Variants in PRKCB observed in about 807,000 individuals in gnomAD.
PRKCB encodes the protein protein kinase C beta type.
A neutral mutation model predicts 81.5 loss-of-function variants in PRKCB; 13 were observed. The ratio of observed to expected loss-of-function variants is 0.16; its 90% confidence interval spans 0.10 to 0.25. The LOEUF is 0.25. PRKCB is among the 10% of genes least tolerant of loss of function. The probability of loss-of-function intolerance (pLI) is 1.00; values close to 1 mark genes in which losing one functional copy is unlikely to be tolerated. For missense variants in PRKCB, 509 were observed against 875.7 expected, an observed-to-expected ratio of 0.58 and a Z score of 5.29; for synonymous variants, 335 against 321.4, an observed-to-expected ratio of 1.04 and a Z score of -0.45.
chr16:24,036,371 G>A (rs978690788), intron 5 of PRKCB, among the ~76,000 whole-genome samples: 3 of 152,174 alleles, frequency 2.0e-5, no homozygotes, highest in African/African-American at 7.2e-5. Flanking sequence ...GCACTGAGCT[G>A]GCTGGGAGTG....
chr16:24,051,227 C>T (rs189754783), intron 5 of PRKCB, among the ~76,000 whole-genome samples: 174 of 152,316 alleles, frequency 1.1e-3, no homozygotes, highest in African/African-American at 4.1e-3. Flanking sequence ...GGAAAGAAAA[C>T]GTGGCAGGAG....
chr16:23,929,596 A>T (rs76583164), intron 2 of PRKCB, among the ~76,000 whole-genome samples: 6,156 of 152,182 alleles, frequency 0.04, 433 homozygotes, highest in African/African-American at 0.14. Context: ...CTACGTAATC[A>T]TACCTGTAAC....
intron 2 of PRKCB, among the ~76,000 whole-genome samples, chr16:23,870,635 G>A (rs1962887426): frequency 6.6e-6 from 1 of 152,188 alleles, no homozygotes; most frequent in Admixed American, 6.5e-5. Context: ...AGCTGCTTCA[G>A]GGCATCAGCC....
At chr16:24,140,825 C>G (rs34635401) in intron 9 of PRKCB, among the ~76,000 whole-genome samples, 60 of 152,316 alleles carry the variant, frequency 3.9e-4, no homozygotes, top group Non-Finnish European at 7.9e-4. Context: ...AGGCTCCTTT[C>G]ATCCTCCTAA....
intron 2 of PRKCB, among the ~76,000 whole-genome samples, chr16:23,868,035 C>T (rs753098721): frequency 2.6e-5 from 4 of 151,922 alleles, no homozygotes; most frequent in Non-Finnish European, 4.4e-5. Context: ...AGATCTTCCC[C>T]TACGGATTTG....
chr16:23,891,861 A>T (rs1162624273), intron 2 of PRKCB, among the ~76,000 whole-genome samples: 1 of 152,226 alleles, frequency 6.6e-6, no homozygotes, highest in Non-Finnish European at 1.5e-5. Flanking sequence ...AAAAGACAGC[A>T]CAGAAATTTT....
chr16:24,006,505 T>C (rs879345800), intron 3 of PRKCB, among the ~76,000 whole-genome samples: 3 of 152,186 alleles, frequency 2.0e-5, no homozygotes, highest in Non-Finnish European at 4.4e-5. Flanking sequence ...TTCTACCATG[T>C]TGGTGGTTCT....
chr16:23,958,148 C>CGG (rs951546483), intron 2 of PRKCB, among the ~76,000 whole-genome samples: 19 of 151,600 alleles, frequency 1.3e-4, no homozygotes, highest in Non-Finnish European at 2.5e-4. Flanking sequence ...TGTGCCACCA[C>CGG]GCCTGGCTAA....
At chr16:24,090,114 G>T (rs1023265719) in intron 5 of PRKCB, among the ~76,000 whole-genome samples, 1 of 152,144 alleles carries the variant, frequency 6.6e-6, no homozygotes, top group Non-Finnish European at 1.5e-5. Flanking sequence ...TATCCCCAGG[G>T]CCTAGCAGAA....
chr16:23,935,202 A>G (rs1181891005), intron 2 of PRKCB, among the ~76,000 whole-genome samples: 2 of 152,060 alleles, frequency 1.3e-5, no homozygotes, highest in African/African-American at 4.8e-5. Context: ...CCCTGCCTCT[A>G]CCTCTGTCAG....
intron 3 of PRKCB, among the ~76,000 whole-genome samples, chr16:24,013,814 G>A (rs1178426072): frequency 1.3e-5 from 2 of 151,654 alleles, no homozygotes; most frequent in East Asian, 3.9e-4. Flanking sequence ...CATCAGAGTT[G>A]GCCTGCACAG....
At position 24,216,228 on chromosome 16, in the gene PRKCB, A is replaced by T. The variant is rs1027860383; in HGVS notation, c.*1412A>T. ...GATGACCTGGCCAGAGCCAACGAGG[A>T]TACTGGAGCCCAAAGTCAAGTTTAG... On this transcript the variant is annotated 3_prime_UTR_variant, in exon 17 of 17. Transcript: ENST00000643927. The T allele has an allele frequency of 1.0e-6, 1 of 985,382 alleles. No individual in the cohort carries two copies. The highest frequency in any genetic ancestry group is 1.2e-6 in the Non-Finnish European group (1 of 829,932). The allele number at this position is 985,382 out of a possible 1,614,324, so 61.0% of individuals were successfully genotyped here. A position where few individuals can be genotyped will look rare whatever the true frequency, so the allele number is the denominator to read the frequency against.
At chr16:23,962,904 C>T (rs1016959925) in intron 2 of PRKCB, 3 of 152,178 alleles carry the variant, frequency 2.0e-5, no homozygotes, top group Non-Finnish European at 4.4e-5. Flanking sequence ...CCCCCTCCCA[C>T]CATTCCCCGG....
At chr16:24,043,384 G>A (rs1169131290) in intron 5 of PRKCB, among the ~76,000 whole-genome samples, 3 of 152,112 alleles carry the variant, frequency 2.0e-5, no homozygotes, top group Non-Finnish European at 4.4e-5. Flanking sequence ...AGAGCAAAAT[G>A]CCTTTAAAAA....
intron 5 of PRKCB, among the ~76,000 whole-genome samples, chr16:24,080,166 T>A (rs1355761893): frequency 6.6e-6 from 1 of 152,090 alleles, no homozygotes; most frequent in Non-Finnish European, 1.5e-5. Context: ...ATGAGGAGGA[T>A]CTTAATTTCA....
chr16:23,991,947 C>T (rs948655028), intron 3 of PRKCB, among the ~76,000 whole-genome samples: 1 of 152,190 alleles, frequency 6.6e-6, no homozygotes, highest in Non-Finnish European at 1.5e-5. Flanking sequence ...TCCTGAAATC[C>T]TAACACCCAA....
intron 2 of PRKCB, among the ~76,000 whole-genome samples, chr16:23,923,998 A>C (rs918946707): frequency 9.9e-5 from 15 of 152,102 alleles, no homozygotes; most frequent in African/African-American, 3.6e-4. Flanking sequence ...TGGCCAAAGC[A>C]AGTCACATTG....
rs149194816 is a variant in PRKCB, at chr16:24,135,994, G to T, written c.1065+12013G>T. On this transcript the variant is annotated intron_variant, in intron 9 of 16. Transcript: ENST00000643927. ...TTTTGACATTTGCTGTCTGATCTTG[G>T]ATTCCTGCCTTCTCTTTGGTTCTAT... Among the ~76,000 whole-genome samples the T allele has an allele frequency of 1.6e-4, 24 of 151,896 alleles. No individual in the cohort carries two copies. In the East Asian group the frequency reaches 4.7e-3, roughly 29 times the overall value.
chr16:24,140,325 G>T (rs80026825), intron 9 of PRKCB, among the ~76,000 whole-genome samples: 1 of 152,148 alleles, frequency 6.6e-6, no homozygotes, highest in African/African-American at 2.4e-5. Context: ...TGAAGAATTC[G>T]CCAACAACCA....
Sources: gnomAD v4.1 joint callset for allele counts (sites outside exome capture counted in the v4.1 genomes callset) on GRCh38, gnomAD v4.1.1 for gene constraint, MANE v1.5 for transcripts, NCBI Gene and HGNC (gene_info 2026-07-23, HGNC 2026-07-21) for gene names.